Variants in DRAM2 observed in about 807,000 individuals in gnomAD.
DRAM2 encodes the protein DNA damage-regulated autophagy modulator protein 2.
In DRAM2, 26 loss-of-function variants were observed where a neutral mutation model predicts 33.5. That is an observed-to-expected ratio of 0.78 (90% CI 0.57 to 1.08). The LOEUF (loss-of-function observed/expected upper bound fraction) is 1.08. Among genes scored for constraint, DRAM2 ranks in the 50% least tolerant of loss-of-function variants. The probability of loss-of-function intolerance (pLI) is 0.00; values close to 1 mark genes in which losing one functional copy is unlikely to be tolerated. For synonymous variants in DRAM2, 98 were observed against 109.5 expected, an observed-to-expected ratio of 0.89 and a Z score of 0.66; for missense variants, 311 against 318.1, an observed-to-expected ratio of 0.98 and a Z score of 0.17.
intron 6 of DRAM2, among the ~76,000 whole-genome samples, chr1:111,121,548 G>GA (rs1040513980): frequency 9.9e-5 from 15 of 152,168 alleles, no homozygotes; most frequent in Non-Finnish European, 1.5e-4. Flanking sequence ...TTCGTATGAA[G>GA]AAAAAAATTC....
In DRAM2 at chr1:111,117,952, T is replaced by C; in HGVS notation, c.*208A>G. ...TTTCTGAGATAAAAAAGTATAGGCA[T>C]AGGTGTTTTTAATAGTCTTCTTGAT... On this transcript the variant is annotated 3_prime_UTR_variant, in exon 10 of 10. Coordinates refer to ENST00000484310, the MANE Select transcript of DRAM2 (RefSeq NM_001349884.2). The C allele has an allele frequency of 3.5e-6, 2 of 571,980 alleles. No individual in the cohort carries two copies. Among genetic ancestry groups the C allele is most frequent in the East Asian group, 3.0e-5 (1 of 33,730 alleles). 35.4% of individuals were successfully genotyped at this position (571,980 alleles called of 1,614,324 possible).
In DRAM2 at chr1:111,124,857, T is replaced by C. The variant is rs776379571; in HGVS notation, c.224A>G (p.Tyr75Cys). The C allele has an allele frequency of 3.1e-6, 5 of 1,612,856 alleles. No individual in the cohort carries two copies. Among genetic ancestry groups the C allele is most frequent in the South Asian group, 1.1e-5 (1 of 90,972 alleles). The change falls in exon 6 of 10, where the codon TAT becomes TGT. Residue 75 changes from tyrosine to cysteine, a missense_variant. Tyr to Cys is a radical substitution (Grantham distance 194). Coordinates refer to ENST00000484310, the MANE Select transcript of DRAM2 (RefSeq NM_001349884.2). ...VLCIATIYVR[Y>C]KQVHALSPEE... is the part of the protein sequence containing the mutation. ...AGGACTCAGAGCATGAACTTGCTTA[T>C]AACGAACATAAATGGTAGCAATGCC...
chr1:111,126,388 C>A, intron 4 of DRAM2, 94 bp from the exon 5 acceptor site: 1 of 705,280 alleles, frequency 1.4e-6, no homozygotes, highest in Non-Finnish European at 2.5e-6. Context: ...TTAATTCAAA[C>A]CTCTTATCTT....
intron 4 of DRAM2, among the ~76,000 whole-genome samples, chr1:111,127,033 ACC>A (rs2101055406): frequency 6.6e-6 from 1 of 152,256 alleles, no homozygotes; most frequent in African/African-American, 2.4e-5. Flanking sequence ...TTACTGCAGG[ACC>A]TTAGGTTCAT....
At chr1:111,129,854 A>C (rs1172845287) in intron 4 of DRAM2, among the ~76,000 whole-genome samples, 3 of 152,214 alleles carry the variant, frequency 2.0e-5, no homozygotes, top group Non-Finnish European at 2.9e-5. Flanking sequence ...AAAGAGAAAG[A>C]GTTTTGTACA....
intron 6 of DRAM2, among the ~76,000 whole-genome samples, chr1:111,123,797 A>C (rs923157760): frequency 1.3e-5 from 2 of 152,024 alleles, no homozygotes; most frequent in African/African-American, 4.8e-5. Context: ...TGGTTGTTAA[A>C]AAGAGACTGG....
chr1:111,126,315 T>C lies in DRAM2; in HGVS notation c.132-21A>G, dbSNP rs765771083. 5 of 1,524,780 alleles carry C rather than the reference T, an allele frequency of 3.3e-6. No homozygotes were observed. The South Asian group carries it at 5.7e-5, about 17-fold the overall frequency. 94.5% of individuals were successfully genotyped at this position (1,524,780 alleles called of 1,614,324 possible). On this transcript the variant is annotated intron_variant, in intron 4 of 9. Coordinates refer to ENST00000484310, the MANE Select transcript of DRAM2 (RefSeq NM_001349884.2). Reference sequence around the variant, plus strand: ...TGTCACTGAAAGAAAAAAAGGAAGGTATGTGGATTTCTCATACTAGATAAA... The same window carrying C: ...TGTCACTGAAAGAAAAAAAGGAAGGCATGTGGATTTCTCATACTAGATAAA...
intron 4 of DRAM2, among the ~76,000 whole-genome samples, chr1:111,129,928 G>C (rs533258928): frequency 6.6e-6 from 1 of 152,170 alleles, no homozygotes; most frequent in South Asian, 2.1e-4. Flanking sequence ...TTGTCTCTAG[G>C]GTGTAGAAAC....
chr1:111,118,140 A>C lies in DRAM2; in HGVS notation c.*20T>G. 1 of 1,603,016 alleles carries C rather than the reference A, an allele frequency of 6.2e-7. No individual in the cohort carries two copies. Among genetic ancestry groups the C allele is most frequent in the Non-Finnish European group, 8.5e-7 (1 of 1,170,184 alleles). On this transcript the variant is annotated 3_prime_UTR_variant, in exon 10 of 10. Coordinates refer to ENST00000484310, the MANE Select transcript of DRAM2 (RefSeq NM_001349884.2). ...AATCCCTGAGAATCATAATCATTAC[A>C]GAAATATTTTATCCTTTCATCAAAT...
rs761547712 is a variant in DRAM2, at chr1:111,118,816, GAATGT to G, written c.677_681del (p.Tyr226SerfsTer2). On this transcript the variant is annotated frameshift_variant, in exon 9 of 10. Coordinates refer to ENST00000484310, the MANE Select transcript of DRAM2 (RefSeq NM_001349884.2). LOFTEE classifies it high-confidence loss of function. ...TTGTGCCTTCTTACCTGAAAATCAC[GAATGT>G]AAGTCAGGAAAAAACCAAAGAAGGA... 1 of 1,606,244 alleles carries G rather than the reference GAATGT, an allele frequency of 6.2e-7. No homozygotes were observed. Among genetic ancestry groups the G allele is most frequent in the East Asian group, 2.3e-5 (1 of 44,392 alleles).
In DRAM2 at chr1:111,117,226, C is replaced by T. The variant is rs978849156; in HGVS notation, c.*934G>A. On this transcript the variant is annotated 3_prime_UTR_variant, in exon 10 of 10. Transcript: ENST00000484310. ...AATTTTGTTCTTTAGAATTTGGGCTCTACAAAGGTTACATCCTATTAAAAA... is the reference window on the plus strand; with the variant it reads ...AATTTTGTTCTTTAGAATTTGGGCTTTACAAAGGTTACATCCTATTAAAAA... The T allele has an allele frequency of 3.3e-5, 5 of 152,056 alleles. No homozygotes were observed. The highest frequency in any genetic ancestry group is 2.9e-5 in the Non-Finnish European group (2 of 67,966). The allele number at this position is 152,056 out of a possible 1,614,324, so 9.4% of individuals were successfully genotyped here. A position where few individuals can be genotyped will look rare whatever the true frequency, so the allele number is the denominator to read the frequency against.
intron 7 of DRAM2, 109 bp from the exon 8 acceptor site, chr1:111,120,068 AT>A: frequency 2.1e-6 from 2 of 933,938 alleles, no homozygotes; most frequent in Non-Finnish European, 3.3e-6. Context: ...GTCTAAACCC[AT>A]TTTCTTAAAG....
At chr1:111,129,066 T>C (rs1651577007) in intron 4 of DRAM2, among the ~76,000 whole-genome samples, 1 of 152,210 alleles carries the variant, frequency 6.6e-6, no homozygotes, top group Non-Finnish European at 1.5e-5. Context: ...TTTGTTTATA[T>C]CTTTTGTGCC....
chr1:111,124,705 CT>C (rs1307575722), intron 6 of DRAM2, 36 bp downstream of exon 6: 1 of 1,608,230 alleles, frequency 6.2e-7, no homozygotes, highest in Non-Finnish European at 8.5e-7. Flanking sequence ...TATTTATGTA[CT>C]TAAGGAAAAT....
intron 2 of DRAM2, among the ~76,000 whole-genome samples, chr1:111,138,813 T>C (rs560542980): frequency 1.3e-5 from 2 of 152,332 alleles, no homozygotes; most frequent in East Asian, 3.9e-4. Context: ...CTTGCATCTC[T>C]AACCTAACCT....
chr1:111,131,925 G>A (rs894538811), intron 3 of DRAM2, among the ~76,000 whole-genome samples: 1 of 152,082 alleles, frequency 6.6e-6, no homozygotes, highest in African/African-American at 2.4e-5. Flanking sequence ...CTTCCTAAGG[G>A]GTACCTGTGA....
chr1:111,139,557 T>C lies in DRAM2; in HGVS notation c.-135A>G, dbSNP rs1654085336. 1 of 151,900 alleles carries C rather than the reference T, an allele frequency of 6.6e-6. No homozygotes were observed. The allele number at this position is 151,900 out of a possible 1,614,324, so 9.4% of individuals were successfully genotyped here. A position where few individuals can be genotyped will look rare whatever the true frequency, so the allele number is the denominator to read the frequency against. On this transcript the variant is annotated 5_prime_UTR_variant, in exon 2 of 10. Transcript: ENST00000484310. ...CTCAATTAGCTTTTGTGGGAAAGGGTTGAAGATTCTTGGTAACTGCTTCAA... is the reference window on the plus strand; with the variant it reads ...CTCAATTAGCTTTTGTGGGAAAGGGCTGAAGATTCTTGGTAACTGCTTCAA...
rs112931528 is a variant in DRAM2 at position 111,136,109 on chromosome 1, T to C, written c.-15+1414A>G. ...GTAACCATGTGATTCTGACTTTCAA[T>C]TCTCTTGGCCTATCTGCTTTTCCTT... On this transcript the variant is annotated intron_variant, in intron 3 of 9. Transcript: ENST00000484310. Among the ~76,000 whole-genome samples, 979 of 152,350 alleles carry C rather than the reference T, an allele frequency of 6.4e-3. 12 individuals carry two copies. Among genetic ancestry groups the C allele is most frequent in the African/African-American group, 0.021 (881 of 41,572 alleles).
At chr1:111,126,343 C>T (rs769675718) in intron 4 of DRAM2, 49 bp from the exon 5 acceptor site, 1 of 1,077,974 alleles carries the variant, frequency 9.3e-7, no homozygotes, top group Non-Finnish European at 1.4e-6. Flanking sequence ...TAGATAAACA[C>T]ATATATTTCT....
Sources: gnomAD v4.1 joint callset for allele counts (sites outside exome capture counted in the v4.1 genomes callset) on GRCh38, gnomAD v4.1.1 for gene constraint, MANE v1.5 for transcripts, NCBI Gene and HGNC (gene_info 2026-07-23, HGNC 2026-07-21) for gene names.